The following SQOR variants were observed in gnomAD, a reference collection of about 807,000 sequenced individuals.
The protein encoded by SQOR is sulfide quinone oxidoreductase.
Under a neutral mutation model 48.6 loss-of-function variants are expected in SQOR, and 39 were observed. The observed-to-expected ratio is 0.80, with a 90% CI of 0.62 to 1.05. The LOEUF is 1.05. Ranked by LOEUF, SQOR falls within the 50% of genes least tolerant of loss-of-function variation. SQOR has a pLI of 0.00. For missense variants in SQOR, 561 were observed against 559.9 expected (o/e 1.00, Z -0.02); for synonymous variants, 220 against 206.2 (o/e 1.07, Z -0.57).
chr15:45,653,928 C>G (rs1889544647), intron 1 of SQOR, among the ~76,000 whole-genome samples: 1 of 151,966 alleles, frequency 6.6e-6, no homozygotes, highest in South Asian at 2.1e-4. Flanking sequence ...ATGAGGCCAG[C>G]CTGGCTAACA....
upstream of SQOR, among the ~76,000 whole-genome samples, chr15:45,632,950 A>AT (rs936006879): frequency 2.6e-4 from 40 of 152,038 alleles, no homozygotes; most frequent in Non-Finnish European, 3.5e-4. Flanking sequence ...ACAAAAAAAA[A>AT]AAATAAATAA....
intron 1 of SQOR, among the ~76,000 whole-genome samples, chr15:45,641,386 A>G (rs1451485174): frequency 6.6e-6 from 1 of 152,198 alleles, no homozygotes; most frequent in Non-Finnish European, 1.5e-5. Flanking sequence ...GAGGGAACTA[A>G]AGAACCCCAG....
intron 1 of SQOR, among the ~76,000 whole-genome samples, chr15:45,651,277 T>C (rs1294917305): frequency 2.0e-5 from 3 of 152,158 alleles, no homozygotes; most frequent in Non-Finnish European, 4.4e-5. Context: ...CCCGGGCCTG[T>C]GGCACCAGCC....
chr15:45,670,641 C>T (rs1265852007), intron 4 of SQOR, among the ~76,000 whole-genome samples: 1 of 152,180 alleles, frequency 6.6e-6, no homozygotes, highest in Non-Finnish European at 1.5e-5. Context: ...GTACAGGAAA[C>T]ATCTGTGCTA....
Position 45,662,087 on chromosome 15 carries a change from C to T in SQOR, c.367C>T (p.Pro123Ser), listed in dbSNP as rs758610812. Residue 123 changes from proline to serine, a missense_variant, in exon 3 of 10, where the codon CCA becomes TCA. Pro to Ser is a moderately conservative substitution (Grantham distance 74). Coordinates refer to ENST00000260324, the MANE Select transcript of SQOR (RefSeq NM_021199.4). ...WIKARVTELN[P>S]DKNCIHTDDD... ...CAAAGCTAGAGTGACTGAGTTGAAC[C>T]CAGACAAGAACTGCATTCACACAGA... 5 of 1,613,990 alleles carry T rather than the reference C, an allele frequency of 3.1e-6. No homozygotes were observed. The highest frequency in any genetic ancestry group is 1.3e-5 in the African/African-American group (1 of 74,896).
At chr15:45,632,981 G>C (rs922382531), upstream of SQOR, among the ~76,000 whole-genome samples, 37 of 151,992 alleles carry the variant, frequency 2.4e-4, no homozygotes, top group Non-Finnish European at 4.9e-4. Flanking sequence ...AAATTAGTTG[G>C]GCATGGTGGC....
intron 5 of SQOR, 51 bp from the exon 6 acceptor site, chr15:45,676,050 A>G (rs770878817): frequency 4.6e-5 from 70 of 1,525,166 alleles, no homozygotes; most frequent in Non-Finnish European, 5.8e-5. Flanking sequence ...AAAAAAAAAA[A>G]AGGCAGCTGC....
intron 1 of SQOR, among the ~76,000 whole-genome samples, chr15:45,639,589 G>C (rs114305296): frequency 6.6e-6 from 1 of 152,162 alleles, no homozygotes; most frequent in African/African-American, 2.4e-5. Context: ...CTGGAAGTGG[G>C]GATTGTGGTG....
intron 7 of SQOR, among the ~76,000 whole-genome samples, chr15:45,684,742 G>A (rs1356064638): frequency 6.6e-6 from 1 of 152,142 alleles, no homozygotes; most frequent in Non-Finnish European, 1.5e-5. Flanking sequence ...CCTGTGATGT[G>A]AGGCCCAGAT....
intron 1 of SQOR, among the ~76,000 whole-genome samples, chr15:45,637,354 C>A (rs979873439): frequency 6.6e-6 from 1 of 152,138 alleles, no homozygotes; most frequent in Non-Finnish European, 1.5e-5. Context: ...TTAAGGCACC[C>A]AGCACTGCAC....
chr15:45,653,769 C>G (rs1224947548), intron 1 of SQOR, among the ~76,000 whole-genome samples: 1 of 152,146 alleles, frequency 6.6e-6, no homozygotes, highest in Non-Finnish European at 1.5e-5. Flanking sequence ...CAGGTAATCC[C>G]AAGAGTTTTA....
At chr15:45,653,225 C>T (rs1889528004) in intron 1 of SQOR, among the ~76,000 whole-genome samples, 1 of 152,004 alleles carries the variant, frequency 6.6e-6, no homozygotes, top group African/African-American at 2.4e-5. Flanking sequence ...CTCAGTCCCA[C>T]AAGACTGCCC....
chr15:45,643,046 C>T (rs1330536056), intron 1 of SQOR, among the ~76,000 whole-genome samples: 2 of 152,212 alleles, frequency 1.3e-5, no homozygotes, highest in Non-Finnish European at 2.9e-5. Context: ...AAAGCTGCCC[C>T]TTTGTGCGAT....
At position 45,659,067 on chromosome 15, in the gene SQOR, G is replaced by A. The variant is rs753484574; in HGVS notation, c.144G>A (p.Val48=). ...CCAGGAACCATTATGAGGTGCTGGTGCTGGGTGGGGGCAGTGGCGGAATCA... is the reference window on the plus strand; with the variant it reads ...CCAGGAACCATTATGAGGTGCTGGTACTGGGTGGGGGCAGTGGCGGAATCA... ...HAARNHYEVL[V]LGGGSGGITM... The change falls in exon 2 of 10, where the codon GTG becomes GTA. Residue 48 remains valine (V), a synonymous_variant. Transcript: ENST00000260324. The A allele has an allele frequency of 1.9e-6, 3 of 1,596,264 alleles. No individual in the cohort carries two copies. The highest frequency in any genetic ancestry group is 2.6e-6 in the Non-Finnish European group (3 of 1,172,000).
chr15:45,658,072 C>G (rs141628914), intron 1 of SQOR, among the ~76,000 whole-genome samples: 3 of 152,142 alleles, frequency 2.0e-5, no homozygotes, highest in East Asian at 3.9e-4. Context: ...AGAGTAGAAA[C>G]AGGTTTTCTT....
chr15:45,665,100 C>A (rs1430532943), intron 3 of SQOR, among the ~76,000 whole-genome samples: 3 of 152,096 alleles, frequency 2.0e-5, no homozygotes, highest in East Asian at 3.9e-4. Context: ...AGCTTTAGAG[C>A]CTTCGGTGGT....
intron 1 of SQOR, among the ~76,000 whole-genome samples, chr15:45,654,672 T>C (rs11637946): frequency 0.24 from 37,005 of 151,974 alleles, 4,818 homozygotes; most frequent in Admixed American, 0.32. Flanking sequence ...ATTTAGGACA[T>C]GGACACACAC....
chr15:45,654,139 C>T (rs1213236339), intron 1 of SQOR, among the ~76,000 whole-genome samples: 2 of 145,626 alleles, frequency 1.4e-5, no homozygotes, highest in East Asian at 2.0e-4. Context: ...AAAAAAGTGG[C>T]ATTAAAAAAT....
At chr15:45,658,748 A>G (rs1889661863) in intron 1 of SQOR, among the ~76,000 whole-genome samples, 159 bp from the exon 2 acceptor site, 1 of 152,148 alleles carries the variant, frequency 6.6e-6, no homozygotes, top group Admixed American at 6.5e-5. Context: ...CTCTCAGGAG[A>G]CCTTGGGACC....
Sources: allele counts gnomAD v4.1 joint callset (sites outside exome capture counted in the v4.1 genomes callset), GRCh38; gene constraint gnomAD v4.1.1; transcripts MANE v1.5; gene names NCBI Gene and HGNC (gene_info 2026-07-23, HGNC 2026-07-21).